Variants in GLIS2 observed in about 807,000 individuals in gnomAD.
GLIS2 encodes zinc finger protein GLIS2.
A neutral mutation model predicts 35.6 loss-of-function variants in GLIS2; 14 were observed. That is an observed-to-expected ratio of 0.39 (90% CI 0.26 to 0.61). GLIS2 has a LOEUF of 0.61. Among genes scored for constraint, GLIS2 ranks in the 20% least tolerant of loss-of-function variants. The pLI is 0.48. For synonymous variants in GLIS2, 368 were observed against 325.1 expected, an observed-to-expected ratio of 1.13 and a Z score of -1.42; for missense variants, 675 against 713.4, an observed-to-expected ratio of 0.95 and a Z score of 0.61.
intron 1 of GLIS2, among the ~76,000 whole-genome samples, chr16:4,318,568 C>T (rs536473390): frequency 1.3e-5 from 2 of 150,560 alleles, no homozygotes; most frequent in Admixed American, 1.3e-4. Flanking sequence ...GCCTGAACTC[C>T]CCTTGCAGGG....
chr16:4,316,682 G>C (rs1032457901), intron 1 of GLIS2, among the ~76,000 whole-genome samples: 2 of 152,080 alleles, frequency 1.3e-5, no homozygotes, highest in East Asian at 3.9e-4. Flanking sequence ...GCTGCTGCTA[G>C]GAAGGGCTTT....
chr16:4,337,158 A>C lies in GLIS2; in HGVS notation c.1209A>C (p.Pro403=). 6.5e-7 allele frequency: 1 copy of C among 1,540,006 alleles called. No homozygotes were observed. The highest frequency in any genetic ancestry group is 8.7e-7 in the Non-Finnish European group (1 of 1,146,808). Residue 403 remains proline (P), a synonymous_variant, in exon 7 of 7, where the codon CCA becomes CCC. Coordinates refer to ENST00000433375, the MANE Select transcript of GLIS2 (RefSeq NM_032575.3). ...GGGGGGGCATGGGCCCTGGGCTGCC[A>C]GGCCCCGTCCTGCCTCTCAATCTGG... The part of the protein sequence containing the change: ...GGGGGMGPGL[P]GPVLPLNLAK...
intron 1 of GLIS2, among the ~76,000 whole-genome samples, chr16:4,317,597 C>T (rs2053328077): frequency 6.6e-6 from 1 of 152,170 alleles, no homozygotes; most frequent in South Asian, 2.1e-4. Context: ...CCTCGGACCT[C>T]CCCCTCTGCT....
chr16:4,321,361 T>G (rs752669685), intron 1 of GLIS2, among the ~76,000 whole-genome samples: 3 of 152,148 alleles, frequency 2.0e-5, no homozygotes, highest in Non-Finnish European at 4.4e-5. Flanking sequence ...CAAGTCACAT[T>G]CCTCTTTGGG....
rs1395614326 is a variant in GLIS2 at position 4,332,569 on chromosome 16, G to A, written c.172+117G>A. On this transcript the variant is annotated intron_variant, in intron 2 of 6. Coordinates refer to ENST00000433375, the MANE Select transcript of GLIS2 (RefSeq NM_032575.3). This position sits in a 1 kb window ranked among gnomAD's most constrained non-coding sequence, Gnocchi z 5.4. ...CAGCCCCTCTCGGCTTCCGGTTCAT[G>A]GGAAGCCCGCACGCTTGTCCTTCCA... 2.5e-6 allele frequency: 3 copies of A among 1,213,118 alleles called. No homozygotes were observed. Among genetic ancestry groups the A allele is most frequent in the African/African-American group, 3.0e-5 (2 of 67,100 alleles). 75.1% of individuals were successfully genotyped at this position (1,213,118 alleles called of 1,614,324 possible).
At chr16:4,329,831 GT>G (rs1221687528) in intron 1 of GLIS2, among the ~76,000 whole-genome samples, 2 of 152,220 alleles carry the variant, frequency 1.3e-5, no homozygotes, top group African/African-American at 4.8e-5. Context: ...AGATTTTCAA[GT>G]TGTAATAATC....
chr16:4,322,319 A>C (rs17136976), intron 1 of GLIS2, among the ~76,000 whole-genome samples: 135 of 151,680 alleles, frequency 8.9e-4, no homozygotes, highest in African/African-American at 3.1e-3. Flanking sequence ...CTCCTCGTCT[A>C]CTCCATGACT....
At chr16:4,318,303 A>G (rs1162709004) in intron 1 of GLIS2, among the ~76,000 whole-genome samples, 1 of 151,954 alleles carries the variant, frequency 6.6e-6, no homozygotes, top group East Asian at 1.9e-4. Flanking sequence ...TGTCTATGAA[A>G]CCAAGGGGTC....
intron 1 of GLIS2, among the ~76,000 whole-genome samples, chr16:4,322,796 G>A (rs1354508432): frequency 6.6e-6 from 1 of 152,360 alleles, no homozygotes; most frequent in Non-Finnish European, 1.5e-5. Context: ...GGAGTTGGCG[G>A]GTGCCGTTCC....
chr16:4,337,211 T>C lies in GLIS2; in HGVS notation c.1262T>C (p.Phe421Ser), dbSNP rs778350155. 6.0e-5 allele frequency: 93 copies of C among 1,547,518 alleles called. No homozygotes were observed. The highest frequency in any genetic ancestry group is 8.1e-5 in the Non-Finnish European group (93 of 1,147,052). Residue 421 changes from phenylalanine (F) to serine (S), a missense_variant, in exon 7 of 7, where the codon TTT becomes TCT. This residue lies in a region of GLIS2 where 317 missense variants were observed against 283.2 expected (regional missense o/e 1.12). Transcript: ENST00000433375. ...LAKNPLLPSP[F>S]GAGGLGLPVV... ...AAGAACCCGCTGCTGCCCTCGCCCT[T>C]TGGGGCTGGCGGACTGGGCTTGCCT...
At chr16:4,326,440 G>C (rs1240450273) in intron 1 of GLIS2, 1 of 152,186 alleles carries the variant, frequency 6.6e-6, no homozygotes, top group Non-Finnish European at 1.5e-5. Flanking sequence ...CTGACCCCAT[G>C]CTGCTGGGAG....
rs1055669281 is a variant in GLIS2, at chr16:4,333,410, T to A, written c.236T>A (p.Val79Glu). The change falls in exon 3 of 7, where the codon GTG becomes GAG. Residue 79 changes from valine to glutamate, a missense_variant. By Grantham distance (121) the Val-to-Glu change is moderately radical. Transcript: ENST00000433375. Reference sequence around the variant, plus strand: ...GGACGCTTTTCAGCAGCCCCTCTCGTGGACCTCAGCCTGTCACCACCATCT... The same window carrying A: ...GGACGCTTTTCAGCAGCCCCTCTCGAGGACCTCAGCCTGTCACCACCATCT... ...VEGRFSAAPLVDLSLSPPSGL... is the reference protein window; with the variant it reads ...VEGRFSAAPLEDLSLSPPSGL... The A allele has an allele frequency of 7.4e-6, 12 of 1,612,892 alleles. No individual in the cohort carries two copies. The African/African-American group carries it at 1.6e-4, about 22-fold the overall frequency.
In GLIS2 at chr16:4,335,657, CTG is replaced by C. The variant is rs1245776432; in HGVS notation, c.775+267_775+268del. 6.6e-6 allele frequency among the ~76,000 whole-genome samples: 1 copy of C among 152,222 alleles called. No individual in the cohort carries two copies. Among genetic ancestry groups the C allele is most frequent in the Non-Finnish European group, 1.5e-5 (1 of 68,032 alleles). ...GGGTATCTTCTGACTAATGCCACCT[CTG>C]TGATCGCAGAGGCCAGGTCGGCTTC... On this transcript the variant is annotated intron_variant, in intron 6 of 6. Transcript: ENST00000433375. The surrounding 1 kb of genome is among the most constrained non-coding windows in gnomAD (Gnocchi z 4.6).
Position 4,333,382 on chromosome 16 carries a change from G to A in GLIS2, c.208G>A (p.Glu70Lys), listed in dbSNP as rs377115891. 1.9e-5 allele frequency: 31 copies of A among 1,612,950 alleles called. 1 individual carries two copies. The highest frequency in any genetic ancestry group is 2.5e-5 in the Non-Finnish European group (30 of 1,180,014). Residue 70 changes from glutamate (E) to lysine (K), a missense_variant, in exon 3 of 7, where the codon GAG becomes AAG. Physicochemically the swap from Glu to Lys is moderately conservative, Grantham distance 56. This residue lies in a region of GLIS2 where 225 missense variants were observed against 238.7 expected (regional missense o/e 0.94). Transcript: ENST00000433375. The stretch of plus-strand genomic sequence containing the variant: ...GAACTCCAAGTTCCCCGAGAAGGTG[G>A]AGGGACGCTTTTCAGCAGCCCCTCT... ...LLNSKFPEKV[E>K]GRFSAAPLVD...
At chr16:4,330,363 T>C (rs2053485323) in intron 1 of GLIS2, among the ~76,000 whole-genome samples, 1 of 152,164 alleles carries the variant, frequency 6.6e-6, no homozygotes, top group Admixed American at 6.5e-5. Flanking sequence ...AAGAATACCA[T>C]CTCCAGTAAA....
Position 4,335,503 on chromosome 16 carries a change from G to A in GLIS2, c.775+110G>A. 1.0e-6 allele frequency: 1 copy of A among 955,692 alleles called. No individual in the cohort carries two copies. The highest frequency in any genetic ancestry group is 1.6e-5 in the African/African-American group (1 of 62,066). The allele number at this position is 955,692 out of a possible 1,614,324, so 59.2% of individuals were successfully genotyped here. Reference sequence around the variant, plus strand: ...TGTTAAGTAAATCCCGGGCCTCAGAGATAAGGGTTGATGTCATCGCCCAGG... The same window carrying A: ...TGTTAAGTAAATCCCGGGCCTCAGAAATAAGGGTTGATGTCATCGCCCAGG... On this transcript the variant is annotated intron_variant, in intron 6 of 6. Coordinates refer to ENST00000433375, the MANE Select transcript of GLIS2 (RefSeq NM_032575.3). The surrounding 1 kb of genome is among the most constrained non-coding windows in gnomAD (Gnocchi z 4.6).
intron 1 of GLIS2, among the ~76,000 whole-genome samples, chr16:4,319,679 C>A (rs2053355448): frequency 1.3e-5 from 2 of 152,194 alleles, no homozygotes. Flanking sequence ...TTCCAACAAG[C>A]ACCTCTAGTA....
intron 1 of GLIS2, among the ~76,000 whole-genome samples, chr16:4,326,957 C>T (rs950469740): frequency 3.3e-5 from 5 of 152,104 alleles, no homozygotes; most frequent in African/African-American, 9.7e-5. Flanking sequence ...GAGAGCGTTT[C>T]GCCATGTTGG....
At chr16:4,326,693 G>A (rs540176175) in intron 1 of GLIS2, among the ~76,000 whole-genome samples, 21 of 151,670 alleles carry the variant, frequency 1.4e-4, no homozygotes, top group African/African-American at 5.1e-4. Flanking sequence ...AGGCTCAGGC[G>A]ATCCTCCCAC....
Sources: allele counts gnomAD v4.1 joint callset (sites outside exome capture counted in the v4.1 genomes callset), GRCh38; gene constraint gnomAD v4.1.1; regional missense constraint gnomAD v4.1.1; non-coding constraint Gnocchi (gnomAD v3.1); transcripts MANE v1.5; gene names NCBI Gene and HGNC (gene_info 2026-07-23, HGNC 2026-07-21).